Variants in RYR3 observed in about 807,000 individuals in gnomAD.
The protein encoded by RYR3 is ryanodine receptor 3.
A neutral mutation model predicts 584.3 loss-of-function variants in RYR3; 207 were observed. The observed-to-expected ratio is 0.35, with a 90% CI of 0.32 to 0.40. The LOEUF (loss-of-function observed/expected upper bound fraction) is 0.40, where lower values mean the gene tolerates loss of function less well. RYR3 is among the 10% of genes least tolerant of loss of function. The pLI is 1.00. For synonymous variants in RYR3, 2,416 were observed against 2,248.5 expected (o/e 1.07, Z -2.11); for missense variants, 5,616 against 6,089.2 (o/e 0.92, Z 2.59).
At chr15:33,803,106 T>C (rs1287967402) in intron 69 of RYR3, among the ~76,000 whole-genome samples, 3 of 152,272 alleles carry the variant, frequency 2.0e-5, no homozygotes, top group Non-Finnish European at 1.5e-5. Context: ...AGCTTTCTGT[T>C]GCTTTTATTT....
At chr15:33,477,575 T>TAAAAAAAAA (rs3084422) in intron 2 of RYR3, among the ~76,000 whole-genome samples, 10 of 116,430 alleles carry the variant, frequency 8.6e-5, no homozygotes, top group African/African-American at 3.8e-4. Flanking sequence ...CTTGTTTTGT[T>TAAAAAAAAA]AAAAAAAAAA....
At chr15:33,759,347 C>A (rs1330582731) in intron 60 of RYR3, among the ~76,000 whole-genome samples, 1 of 152,182 alleles carries the variant, frequency 6.6e-6, no homozygotes, top group East Asian at 1.9e-4. Flanking sequence ...ACAAACTCCT[C>A]TGACCTAAAG....
At chr15:33,375,693 T>C (rs1001106368) in intron 1 of RYR3, among the ~76,000 whole-genome samples, 3 of 152,214 alleles carry the variant, frequency 2.0e-5, no homozygotes, top group African/African-American at 7.2e-5. Flanking sequence ...CACAGTAAAA[T>C]GCACAGATCT....
chr15:33,405,701 C>G (rs921461513), intron 1 of RYR3, among the ~76,000 whole-genome samples: 3 of 152,198 alleles, frequency 2.0e-5, no homozygotes, highest in African/African-American at 7.2e-5. Context: ...AGAAACCCAA[C>G]TCAAATGAGG....
At chr15:33,506,948 G>A (rs2052537698) in intron 3 of RYR3, among the ~76,000 whole-genome samples, 1 of 152,206 alleles carries the variant, frequency 6.6e-6, no homozygotes, top group Admixed American at 6.5e-5. Flanking sequence ...GCCTGGGGAT[G>A]TTTGAGTGGG....
intron 98 of RYR3, among the ~76,000 whole-genome samples, chr15:33,857,060 C>G (rs1011720391): frequency 1.9e-4 from 29 of 152,310 alleles, no homozygotes; most frequent in African/African-American, 6.7e-4. Flanking sequence ...TGTATCCCTC[C>G]TCACAGCACC....
intron 42 of RYR3, among the ~76,000 whole-genome samples, chr15:33,702,570 A>T (rs1000608465): frequency 2.0e-5 from 3 of 152,248 alleles, no homozygotes; most frequent in South Asian, 2.1e-4. Context: ...GGGGTCTGTC[A>T]AGTTTAAGGG....
At chr15:33,400,714 C>A (rs546402119) in intron 1 of RYR3, among the ~76,000 whole-genome samples, 1 of 152,306 alleles carries the variant, frequency 6.6e-6, no homozygotes, top group South Asian at 2.1e-4. Context: ...GCTTCTGTAG[C>A]AAGATGCCTG....
intron 16 of RYR3, among the ~76,000 whole-genome samples, chr15:33,598,753 A>C (rs1054877864): frequency 8.9e-6 from 1 of 112,736 alleles, no homozygotes; most frequent in East Asian, 5.4e-4. Context: ...AAGTAAAACT[A>C]AAAAAAAAAA....
At chr15:33,858,140 C>T (rs953110799) in intron 99 of RYR3, 10 of 572,176 alleles carry the variant, frequency 1.7e-5, no homozygotes, top group South Asian at 7.2e-5. Context: ...ATCTAAGCCC[C>T]GTGGAAAGGG....
intron 12 of RYR3, among the ~76,000 whole-genome samples, chr15:33,575,271 T>A (rs1262393493): frequency 1.3e-5 from 2 of 152,144 alleles, no homozygotes; most frequent in Non-Finnish European, 2.9e-5. Context: ...CTGGATCAAG[T>A]GGACCTGATA....
chr15:33,520,660 A>G (rs1406145538), intron 3 of RYR3, among the ~76,000 whole-genome samples: 1 of 152,118 alleles, frequency 6.6e-6, no homozygotes, highest in African/African-American at 2.4e-5. Flanking sequence ...TCTAAATGTC[A>G]TTAATACGCT....
chr15:33,828,751 CA>C (rs1340404230), intron 85 of RYR3, among the ~76,000 whole-genome samples: 3 of 152,188 alleles, frequency 2.0e-5, no homozygotes, highest in Non-Finnish European at 4.4e-5. Context: ...ATCTCCAAAA[CA>C]AAAGTGTAAG....
chr15:33,326,184 A>G (rs1969678749), intron 1 of RYR3, among the ~76,000 whole-genome samples: 1 of 152,128 alleles, frequency 6.6e-6, no homozygotes, highest in South Asian at 2.1e-4. Context: ...CAAAGCTACT[A>G]TCTTCTAAAA....
At chr15:33,769,059 G>A (rs1434351761) in intron 61 of RYR3, 53 bp from the exon 62 acceptor site, 2 of 1,388,448 alleles carry the variant, frequency 1.4e-6, no homozygotes, top group African/African-American at 2.8e-5. Context: ...GACTGCATTT[G>A]AAAGACAGGC....
intron 1 of RYR3, among the ~76,000 whole-genome samples, chr15:33,406,345 A>G (rs1030197393): frequency 1.1e-4 from 16 of 152,046 alleles, no homozygotes; most frequent in African/African-American, 3.6e-4. Context: ...CAAATGTTTG[A>G]CCCTCACAGT....
intron 3 of RYR3, among the ~76,000 whole-genome samples, chr15:33,506,103 T>G (rs904987959): frequency 2.6e-5 from 4 of 152,216 alleles, no homozygotes; most frequent in African/African-American, 9.6e-5. Context: ...AAGTTCTGGT[T>G]TTTCCTTGTT....
chr15:33,559,351 G>A lies in RYR3; in HGVS notation c.973-3486G>A, dbSNP rs571867861. Among the ~76,000 whole-genome samples the A allele has an allele frequency of 9.7e-4, 148 of 152,288 alleles. 1 individual carries two copies. Among genetic ancestry groups the A allele is most frequent in the African/African-American group, 3.3e-3 (137 of 41,554 alleles). ...GATCATCAGTCAGGTGCAGCCATGT[G>A]AGGAGACACAGGAGAGGCTTAGGAA... On this transcript the variant is annotated intron_variant, in intron 10 of 103. Coordinates refer to ENST00000634891, the MANE Select transcript of RYR3 (RefSeq NM_001036.6).
chr15:33,788,214 G>A lies in RYR3; in HGVS notation c.9590-4G>A, dbSNP rs376097393. On this transcript the variant is annotated splice_region_variant and splice_polypyrimidine_tract_variant and intron_variant, in intron 66 of 103. Transcript: ENST00000634891. ...AATGACGGGGAGGCTCTTTGTAAAC[G>A]CAGTGTATGCACAGCCCATCATCAG... The A allele has an allele frequency of 8.2e-5, 133 of 1,613,528 alleles. No homozygotes were observed. Among genetic ancestry groups the A allele is most frequent in the African/African-American group, 8.0e-4 (60 of 74,912 alleles).
Sources: gnomAD v4.1 joint callset for allele counts (sites outside exome capture counted in the v4.1 genomes callset) on GRCh38, gnomAD v4.1.1 for gene constraint, MANE v1.5 for transcripts, NCBI Gene and HGNC (gene_info 2026-07-23, HGNC 2026-07-21) for gene names.